Variants in POFUT1 observed in about 807,000 individuals in gnomAD.
POFUT1 encodes GDP-fucose protein O-fucosyltransferase 1.
POFUT1 carries 16 observed loss-of-function variants against 42.4 expected under a neutral mutation model. That is an observed-to-expected ratio of 0.38 (90% CI 0.26 to 0.57). The LOEUF is 0.57. Ranked by LOEUF, POFUT1 falls within the 20% of genes least tolerant of loss-of-function variation. The probability of loss-of-function intolerance (pLI) is 0.71; values close to 1 mark genes in which losing one functional copy is unlikely to be tolerated. For synonymous variants in POFUT1, 206 were observed against 205.4 expected, an observed-to-expected ratio of 1.00 and a Z score of -0.03; for missense variants, 470 against 504.6, an observed-to-expected ratio of 0.93 and a Z score of 0.66.
chr20:32,213,554 C>T (rs1003171166), intron 2 of POFUT1, among the ~76,000 whole-genome samples: 7 of 150,354 alleles, frequency 4.7e-5, no homozygotes, highest in Admixed American at 1.3e-4. Context: ...GGACAGATCA[C>T]GAGGTCAGGA....
chr20:32,235,857 C>T lies in POFUT1; in HGVS notation c.*1196C>T, dbSNP rs1243647468. 3 of 152,254 alleles carry T rather than the reference C, an allele frequency of 2.0e-5. No homozygotes were observed. Among genetic ancestry groups the T allele is most frequent in the Admixed American group, 2.0e-4 (3 of 15,286 alleles). The allele number at this position is 152,254 out of a possible 1,614,324, so 9.4% of individuals were successfully genotyped here. On this transcript the variant is annotated 3_prime_UTR_variant, in exon 7 of 7. Coordinates refer to ENST00000375749, the MANE Select transcript of POFUT1 (RefSeq NM_015352.2). ...TCCTTGCCATGTCACCTCCCTTGGC[C>T]TTTGATCCTGGAAAGGTGGCAGAGC...
intron 1 of POFUT1, among the ~76,000 whole-genome samples, chr20:32,209,791 GAGGGAC>G (rs2047316998): frequency 6.6e-6 from 1 of 152,230 alleles, no homozygotes; most frequent in Non-Finnish European, 1.5e-5. Context: ...TCTTCTGGCT[GAGGGAC>G]AGCAAGATCA....
intron 2 of POFUT1, among the ~76,000 whole-genome samples, chr20:32,214,923 G>T (rs1391864521): frequency 4.6e-5 from 7 of 152,022 alleles, no homozygotes; most frequent in Non-Finnish European, 1.0e-4. Flanking sequence ...TTGCTCTGTC[G>T]TCCAAGCTGG....
chr20:32,213,161 T>C (rs149708236), intron 2 of POFUT1, among the ~76,000 whole-genome samples: 1 of 152,096 alleles, frequency 6.6e-6, no homozygotes, highest in Non-Finnish European at 1.5e-5. Flanking sequence ...ACTGGGATTA[T>C]AGGTGAAAGT....
rs888943069 is a variant in POFUT1 at position 32,230,935 on chromosome 20, G to C, written c.852G>C (p.Leu284=). The C allele has an allele frequency of 2.0e-5, 32 of 1,614,106 alleles. No individual in the cohort carries two copies. Among genetic ancestry groups the C allele is most frequent in the Non-Finnish European group, 2.6e-5 (31 of 1,180,050 alleles). Residue 284 remains leucine, a synonymous_variant, in exon 6 of 7, where the codon CTG becomes CTC. Coordinates refer to ENST00000375749, the MANE Select transcript of POFUT1 (RefSeq NM_015352.2). ...CCCCCCTCACGATGACTATGTGCCT[G>C]CCTGACCTGAAGGAGATCCAGAGGG... ...TAAPLTMTMC[L]PDLKEIQRAV... is the part of the protein sequence containing the mutation.
At chr20:32,216,398 ACT>A (rs2047360331) in intron 3 of POFUT1, among the ~76,000 whole-genome samples, 2 of 151,646 alleles carry the variant, frequency 1.3e-5, no homozygotes, top group South Asian at 2.1e-4. Context: ...AACAGGAAAG[ACT>A]CTCCTGCTGG....
chr20:32,207,990 C>T lies in POFUT1; in HGVS notation c.49C>T (p.Leu17=). The T allele has an allele frequency of 1.9e-6, 3 of 1,594,252 alleles. No individual in the cohort carries two copies. The highest frequency in any genetic ancestry group is 2.6e-6 in the Non-Finnish European group (3 of 1,175,596). Residue 17 remains leucine, a synonymous_variant, in exon 1 of 7, where the codon CTG becomes TTG. Coordinates refer to ENST00000375749, the MANE Select transcript of POFUT1 (RefSeq NM_015352.2). The part of the protein sequence containing the change: ...ARPLSVSFLL[L]LLPLPGMPAG... ...GCCGCTGAGCGTGTCTTTCCTGCTG[C>T]TGCTTCTGCCGCTCCCGGGGATGCC...
chr20:32,221,359 A>G (rs1196388760), intron 4 of POFUT1, among the ~76,000 whole-genome samples: 1 of 152,092 alleles, frequency 6.6e-6, no homozygotes, highest in African/African-American at 2.4e-5. Context: ...TCAATGTCCC[A>G]TCTATAAAAT....
At chr20:32,213,356 T>C (rs922697001) in intron 2 of POFUT1, among the ~76,000 whole-genome samples, 1 of 149,470 alleles carries the variant, frequency 6.7e-6, no homozygotes, top group Admixed American at 6.7e-5. Flanking sequence ...TTCAGGAGGC[T>C]GAGGCAGAAG....
chr20:32,231,487 G>A (rs1220581676), intron 6 of POFUT1, among the ~76,000 whole-genome samples: 1 of 152,202 alleles, frequency 6.6e-6, no homozygotes, highest in Non-Finnish European at 1.5e-5. Flanking sequence ...CATCACCAGT[G>A]TCTAGTACAG....
At chr20:32,208,146 A>T in intron 1 of POFUT1, 81 bp downstream of exon 1, 1 of 1,354,666 alleles carries the variant, frequency 7.4e-7, no homozygotes, top group East Asian at 2.7e-5. Flanking sequence ...GCGCCCAGAG[A>T]CACCTTCACA....
intron 6 of POFUT1, 34 bp from the exon 7 acceptor site, chr20:32,234,439 C>T: frequency 1.3e-6 from 2 of 1,556,336 alleles, no homozygotes; most frequent in African/African-American, 1.4e-5. Context: ...CCTGTAGCCA[C>T]CCCAGCTTAT....
At chr20:32,234,377 CTG>C (rs942009084) in intron 6 of POFUT1, 94 bp from the exon 7 acceptor site, 1 of 1,145,600 alleles carries the variant, frequency 8.7e-7, no homozygotes, top group African/African-American at 1.6e-5. Context: ...CCTTTTGTGT[CTG>C]TAACTGCAGC....
intron 2 of POFUT1, among the ~76,000 whole-genome samples, chr20:32,213,715 G>A (rs1351384926): frequency 2.0e-5 from 3 of 152,066 alleles, no homozygotes; most frequent in African/African-American, 7.2e-5. Context: ...AGGTTGCAGT[G>A]AGCTGAGATC....
At chr20:32,208,276 C>CT (rs1377610543) in intron 1 of POFUT1, among the ~76,000 whole-genome samples, 51 of 152,270 alleles carry the variant, frequency 3.3e-4, no homozygotes, top group Admixed American at 2.0e-4. Flanking sequence ...AAAACTGAGG[C>CT]TGGGAGAGGT....
intron 2 of POFUT1, among the ~76,000 whole-genome samples, chr20:32,214,985 T>C (rs1352279393): frequency 6.6e-6 from 1 of 152,068 alleles, no homozygotes; most frequent in African/African-American, 2.4e-5. Flanking sequence ...CCTCCTGGGT[T>C]CAAGCAGTTC....
intron 4 of POFUT1, among the ~76,000 whole-genome samples, chr20:32,219,434 A>G (rs1481593812): frequency 6.6e-6 from 1 of 152,128 alleles, no homozygotes; most frequent in Admixed American, 6.6e-5. Flanking sequence ...GGAGTGAGTG[A>G]GAGAATGGTA....
chr20:32,214,695 C>CT (rs1163707673), intron 2 of POFUT1, among the ~76,000 whole-genome samples: 1 of 152,166 alleles, frequency 6.6e-6, no homozygotes, highest in African/African-American at 2.4e-5. Context: ...TACCCCTAAC[C>CT]TTTGCCTGTG....
Position 32,230,863 on chromosome 20 carries a change from C to T in POFUT1, c.780C>T (p.His260=), listed in dbSNP as rs779287832. 1.9e-6 allele frequency: 3 copies of T among 1,614,054 alleles called. No homozygotes were observed. The highest frequency in any genetic ancestry group is 1.7e-6 in the Non-Finnish European group (2 of 1,180,048). The change falls in exon 6 of 7, where the codon CAC becomes CAT. Residue 260 remains histidine (H), a synonymous_variant. Coordinates refer to ENST00000375749, the MANE Select transcript of POFUT1 (RefSeq NM_015352.2). ...TGAAGGACGGGACTGCAGGCTCGCA[C>T]TTCATGGCCTCTCCGCAGTGTGTGG... is the stretch of plus-strand genomic sequence containing the variant. ...AMLKDGTAGS[H]FMASPQCVGY...
Sources: allele counts gnomAD v4.1 joint callset (sites outside exome capture counted in the v4.1 genomes callset), GRCh38; gene constraint gnomAD v4.1.1; transcripts MANE v1.5; gene names NCBI Gene and HGNC (gene_info 2026-07-23, HGNC 2026-07-21).